The following SOCS5 variants were observed in gnomAD, a reference collection of about 807,000 sequenced individuals.
The protein encoded by SOCS5 is suppressor of cytokine signaling 5, also known as CIS-6.
In SOCS5, 32 loss-of-function variants were observed where a neutral mutation model predicts 42.8. The observed-to-expected ratio is 0.75, with a 90% CI of 0.56 to 1.01. The LOEUF (loss-of-function observed/expected upper bound fraction) is 1.01. Among genes scored for constraint, SOCS5 ranks in the 50% least tolerant of loss-of-function variants. SOCS5 has a pLI of 0.00. For missense variants in SOCS5, 627 were observed against 653.0 expected (o/e 0.96, Z 0.43); for synonymous variants, 283 against 229.6 (o/e 1.23, Z -2.10).
intron 1 of SOCS5, among the ~76,000 whole-genome samples, chr2:46,755,137 C>T (rs1347146370): frequency 6.6e-6 from 1 of 152,056 alleles, no homozygotes; most frequent in Non-Finnish European, 1.5e-5. Flanking sequence ...TCACATTCTT[C>T]GTCTTTATGG....
intron 1 of SOCS5, among the ~76,000 whole-genome samples, chr2:46,728,479 T>G (rs1006103420): frequency 6.6e-6 from 1 of 152,218 alleles, no homozygotes; most frequent in Non-Finnish European, 1.5e-5. Context: ...TCCAATAATT[T>G]TCCTCATTTT....
At chr2:46,725,986 A>G (rs1474116372) in intron 1 of SOCS5, among the ~76,000 whole-genome samples, 1 of 152,058 alleles carries the variant, frequency 6.6e-6, no homozygotes, top group African/African-American at 2.4e-5. Flanking sequence ...CCCTATAAGT[A>G]ATGCGTCACT....
intron 1 of SOCS5, among the ~76,000 whole-genome samples, chr2:46,753,735 G>T (rs896588097): frequency 6.6e-6 from 1 of 152,058 alleles, no homozygotes; most frequent in Non-Finnish European, 1.5e-5. Flanking sequence ...CAAGGGGTGG[G>T]TTATTCATGA....
At chr2:46,747,985 A>G (rs1319826652) in intron 1 of SOCS5, among the ~76,000 whole-genome samples, 1 of 152,206 alleles carries the variant, frequency 6.6e-6, no homozygotes, top group Admixed American at 6.5e-5. Flanking sequence ...TTTGTATGTT[A>G]CATGCTAATT....
At chr2:46,720,232 A>C (rs1331283502) in intron 1 of SOCS5, among the ~76,000 whole-genome samples, 1 of 152,232 alleles carries the variant, frequency 6.6e-6, no homozygotes, top group East Asian at 1.9e-4. Context: ...TCAGTAATTA[A>C]GATTGTTTTC....
Position 46,758,794 on chromosome 2 carries a change from A to T in SOCS5, c.264A>T (p.Gln88His). ...RNQNCATEIP[Q>H]IVEISIEKDN... is the part of the protein sequence containing the mutation. ...AAAATTGTGCCACAGAAATCCCTCAAATTGTTGAAATAAGCATCGAAAAGG... is the reference window on the plus strand; with the variant it reads ...AAAATTGTGCCACAGAAATCCCTCATATTGTTGAAATAAGCATCGAAAAGG... The change falls in exon 2 of 2, where the codon CAA (glutamine) becomes CAT (histidine). Residue 88 changes from glutamine to histidine, a missense_variant. Gln to His is a conservative substitution (Grantham distance 24, BLOSUM62 0). Around this residue, in one of 3 missense-constraint regions of SOCS5, gnomAD observed 278 missense variants for 246.3 expected, o/e 1.13. Transcript: ENST00000394861. 6.2e-7 allele frequency: 1 copy of T among 1,614,192 alleles called. No individual in the cohort carries two copies. The highest frequency in any genetic ancestry group is 8.5e-7 in the Non-Finnish European group (1 of 1,180,030).
chr2:46,728,931 G>A (rs1204003417), intron 1 of SOCS5, among the ~76,000 whole-genome samples: 3 of 152,274 alleles, frequency 2.0e-5, no homozygotes, highest in Non-Finnish European at 2.9e-5. Context: ...TGGTACCAGG[G>A]CTAGCATCGT....
At chr2:46,704,409 G>C (rs1672415364) in intron 1 of SOCS5, among the ~76,000 whole-genome samples, 1 of 152,188 alleles carries the variant, frequency 6.6e-6, no homozygotes, top group Non-Finnish European at 1.5e-5. Context: ...GAAATGATAC[G>C]GGAACTGCAG....
chr2:46,725,065 T>A (rs534423994), intron 1 of SOCS5, among the ~76,000 whole-genome samples: 97 of 152,184 alleles, frequency 6.4e-4, no homozygotes, highest in Non-Finnish European at 7.1e-4. Context: ...GCATACACAT[T>A]TAGGATTATA....
intron 1 of SOCS5, among the ~76,000 whole-genome samples, chr2:46,727,307 A>C (rs1175728916): frequency 1.3e-5 from 2 of 151,994 alleles, no homozygotes; most frequent in Non-Finnish European, 2.9e-5. Context: ...AGCTGCTTTA[A>C]AGTCTTTGTC....
At chr2:46,737,831 G>A (rs1020265774) in intron 1 of SOCS5, among the ~76,000 whole-genome samples, 3 of 151,744 alleles carry the variant, frequency 2.0e-5, no homozygotes, top group Non-Finnish European at 4.4e-5. Context: ...ATAGTACCTT[G>A]GCTCTGATAC....
intron 1 of SOCS5, among the ~76,000 whole-genome samples, chr2:46,726,161 A>G (rs894354169): frequency 2.6e-5 from 4 of 152,014 alleles, no homozygotes; most frequent in African/African-American, 7.2e-5. Flanking sequence ...CAGTGGTGCA[A>G]TCTCAGCTCA....
In SOCS5 at chr2:46,760,357, C is replaced by G. The variant is rs1673838473; in HGVS notation, c.*216C>G. On this transcript the variant is annotated 3_prime_UTR_variant, in exon 2 of 2. Coordinates refer to ENST00000394861, the MANE Select transcript of SOCS5 (RefSeq NM_144949.3). ...GAGCTACAGGTGTTCAGTAAGACTA[C>G]AAAAACATTTTGCCTATTTCGCTAA... is the stretch of plus-strand genomic sequence containing the variant. The G allele has an allele frequency of 6.3e-6, 3 of 475,682 alleles. No homozygotes were observed. The highest frequency in any genetic ancestry group is 7.6e-6 in the Non-Finnish European group (2 of 262,950). The allele number at this position is 475,682 out of a possible 1,614,324, so 29.5% of individuals were successfully genotyped here.
intron 1 of SOCS5, among the ~76,000 whole-genome samples, chr2:46,730,468 T>C (rs1332881003): frequency 6.6e-6 from 1 of 151,868 alleles, no homozygotes; most frequent in Non-Finnish European, 1.5e-5. Context: ...GGCATGGTGG[T>C]GGGCGCCTGT....
chr2:46,729,029 C>T (rs1467369654), intron 1 of SOCS5, among the ~76,000 whole-genome samples: 1 of 152,136 alleles, frequency 6.6e-6, no homozygotes, highest in Admixed American at 6.5e-5. Context: ...AGTGAGACCC[C>T]ATAATTCGTT....
chr2:46,732,604 A>T (rs891661317), intron 1 of SOCS5, among the ~76,000 whole-genome samples: 1 of 152,218 alleles, frequency 6.6e-6, no homozygotes, highest in Admixed American at 6.5e-5. Flanking sequence ...AGGGGTAGAG[A>T]CCACTGAAGA....
At chr2:46,746,918 A>ATTTT (rs1673512042) in intron 1 of SOCS5, among the ~76,000 whole-genome samples, 1 of 61,264 alleles carries the variant, frequency 1.6e-5, no homozygotes, top group African/African-American at 6.2e-5. Context: ...GCATGACTTT[A>ATTTT]TTTCTTTTTT....
chr2:46,712,336 C>CTTTTTTTTTTTTTTT (rs70940636), intron 1 of SOCS5, among the ~76,000 whole-genome samples: 3 of 64,954 alleles, frequency 4.6e-5, no homozygotes, highest in Non-Finnish European at 5.2e-5. Context: ...GGATGTTTAG[C>CTTTTTTTTTTTTTTT]TTTTTTTTTT....
At position 46,760,033 on chromosome 2, in the gene SOCS5, T is replaced by C; in HGVS notation, c.1503T>C (p.Ile501=). The C allele has an allele frequency of 6.2e-7, 1 of 1,614,136 alleles. No individual in the cohort carries two copies. ...VICRCTTYDG[I]DGLPLPSMLQ... ...GCAGGTGCACTACGTATGATGGAAT[T>C]GATGGGCTCCCTCTACCCTCAATGT... Residue 501 remains isoleucine, a synonymous_variant, in exon 2 of 2, where the codon ATT becomes ATC. Transcript: ENST00000394861.
Sources: gnomAD v4.1 joint callset for allele counts (sites outside exome capture counted in the v4.1 genomes callset) on GRCh38, gnomAD v4.1.1 for gene constraint, gnomAD v4.1.1 regional missense constraint, MANE v1.5 for transcripts, NCBI Gene and HGNC (gene_info 2026-07-23, HGNC 2026-07-21) for gene names.